ZBTB20: variants seen among roughly 807,000 people sequenced by gnomAD.
ZBTB20 encodes the protein zinc finger and BTB domain containing 20.
A neutral mutation model predicts 56.9 loss-of-function variants in ZBTB20; 9 were observed. The observed-to-expected ratio is 0.16, with a 90% confidence interval of 0.10 to 0.28. The LOEUF (loss-of-function observed/expected upper bound fraction) is 0.28, where lower values mean the gene tolerates loss of function less well. Ranked by LOEUF, ZBTB20 falls within the 10% of genes least tolerant of loss-of-function variation. The probability of loss-of-function intolerance (pLI) is 1.00; values close to 1 mark genes in which losing one functional copy is unlikely to be tolerated. For missense variants in ZBTB20, 655 were observed against 1,003.0 expected, an observed-to-expected ratio of 0.65 and a Z score of 4.69; for synonymous variants, 417 against 420.7, an observed-to-expected ratio of 0.99 and a Z score of 0.11.
At chr3:114,537,202 A>G (rs188722512) in intron 6 of ZBTB20, among the ~76,000 whole-genome samples, 1 of 152,326 alleles carries the variant, frequency 6.6e-6, no homozygotes, top group Admixed American at 6.5e-5. Flanking sequence ...TGAACAGGCA[A>G]CCTACAGAAT....
chr3:114,402,039 G>A (rs949552090), intron 7 of ZBTB20, among the ~76,000 whole-genome samples: 8 of 152,132 alleles, frequency 5.3e-5, no homozygotes, highest in Non-Finnish European at 1.2e-4. Context: ...GAAGGACTTC[G>A]CAGAAAATTA....
At chr3:114,999,146 G>T (rs955154632) in intron 2 of ZBTB20, among the ~76,000 whole-genome samples, 9 of 145,356 alleles carry the variant, frequency 6.2e-5, no homozygotes, top group South Asian at 2.3e-4. Flanking sequence ...GGGGGAAAGG[G>T]AGAGGGAGAG....
At chr3:114,774,946 C>G (rs1169129178) in intron 5 of ZBTB20, among the ~76,000 whole-genome samples, 1 of 151,990 alleles carries the variant, frequency 6.6e-6, no homozygotes, top group Non-Finnish European at 1.5e-5. Flanking sequence ...TTCCAGCATG[C>G]TCCCTTCCTT....
At chr3:114,772,249 G>A (rs1245796236) in intron 5 of ZBTB20, among the ~76,000 whole-genome samples, 9 of 152,138 alleles carry the variant, frequency 5.9e-5, no homozygotes, top group African/African-American at 2.2e-4. Context: ...GCTGAGGCAG[G>A]AGAATCGCTT....
At chr3:114,860,635 T>C (rs1198082859) in intron 4 of ZBTB20, among the ~76,000 whole-genome samples, 1 of 152,022 alleles carries the variant, frequency 6.6e-6, no homozygotes, top group African/African-American at 2.4e-5. Context: ...GTGAGAAGAG[T>C]TGCTTTCTAA....
chr3:114,316,669 T>A lies in ZBTB20; in HGVS notation c.*22336A>T. ...TTTTAAACAGTCTGGAGCTTTAATTTATTTTTTAAAGTGCATTTTCAATGC... is the reference window on the plus strand; with the variant it reads ...TTTTAAACAGTCTGGAGCTTTAATTAATTTTTTAAAGTGCATTTTCAATGC... On this transcript the variant is annotated 3_prime_UTR_variant, in exon 12 of 12. Transcript: ENST00000675478. 1 of 412,258 alleles carries A rather than the reference T, an allele frequency of 2.4e-6. No individual in the cohort carries two copies. The highest frequency in any genetic ancestry group is 7.4e-5 in the East Asian group (1 of 13,446). 25.5% of individuals were successfully genotyped at this position (412,258 alleles called of 1,614,324 possible).
intron 6 of ZBTB20, among the ~76,000 whole-genome samples, chr3:114,569,041 T>C (rs1366158423): frequency 3.3e-5 from 5 of 152,172 alleles, no homozygotes; most frequent in African/African-American, 7.2e-5. Context: ...TTATAACAGG[T>C]ATTTGTTCTC....
chr3:114,673,722 G>A (rs1240476389), intron 6 of ZBTB20, among the ~76,000 whole-genome samples: 1 of 152,014 alleles, frequency 6.6e-6, no homozygotes, highest in Non-Finnish European at 1.5e-5. Flanking sequence ...TGTACACTTT[G>A]GTCTTTTATT....
intron 5 of ZBTB20, among the ~76,000 whole-genome samples, chr3:114,780,864 T>TA (rs1399714123): frequency 6.6e-6 from 1 of 152,206 alleles, no homozygotes; most frequent in Non-Finnish European, 1.5e-5. Flanking sequence ...TAGGGAATCA[T>TA]ATGACTTACC....
At chr3:114,731,126 T>A (rs533715848) in intron 5 of ZBTB20, among the ~76,000 whole-genome samples, 1 of 152,202 alleles carries the variant, frequency 6.6e-6, no homozygotes, top group Non-Finnish European at 1.5e-5. Context: ...ACATAATTTA[T>A]CTTTTAGATG....
At chr3:115,050,030 G>T (rs2081484282) in intron 2 of ZBTB20, among the ~76,000 whole-genome samples, 1 of 151,906 alleles carries the variant, frequency 6.6e-6, no homozygotes, top group African/African-American at 2.4e-5. Context: ...GTAAATATAT[G>T]CTTAAGGAAC....
chr3:114,802,823 C>T (rs944591531), intron 4 of ZBTB20, among the ~76,000 whole-genome samples: 1 of 151,736 alleles, frequency 6.6e-6, no homozygotes, highest in Non-Finnish European at 1.5e-5. Flanking sequence ...ATATGGTTAG[C>T]GAAACAAATT....
intron 6 of ZBTB20, among the ~76,000 whole-genome samples, chr3:114,571,635 G>A (rs2053450966): frequency 6.6e-6 from 1 of 152,134 alleles, no homozygotes; most frequent in Non-Finnish European, 1.5e-5. Context: ...ATGCCATGGG[G>A]TTAGAGTGGT....
At chr3:115,047,441 G>A (rs1385290728) in intron 2 of ZBTB20, among the ~76,000 whole-genome samples, 2 of 152,100 alleles carry the variant, frequency 1.3e-5, no homozygotes, top group Admixed American at 1.3e-4. Flanking sequence ...ACACCTCCAT[G>A]TTCACTTTAC....
intron 5 of ZBTB20, among the ~76,000 whole-genome samples, chr3:114,774,394 G>A (rs1242603388): frequency 6.6e-6 from 1 of 152,102 alleles, no homozygotes; most frequent in African/African-American, 2.4e-5. Context: ...GGCCACACAT[G>A]GAAGGATAGC....
chr3:114,373,300 T>C (rs1332123621), intron 10 of ZBTB20, among the ~76,000 whole-genome samples: 2 of 152,230 alleles, frequency 1.3e-5, no homozygotes, highest in African/African-American at 2.4e-5. Context: ...TCTTGCTTTA[T>C]TATATATTTG....
Position 114,749,425 on chromosome 3 carries a change from T to G in ZBTB20, c.-343+51676A>C, listed in dbSNP as rs573388644. 7.9e-5 allele frequency among the ~76,000 whole-genome samples: 12 copies of G among 152,102 alleles called. No homozygotes were observed. The South Asian group carries it at 2.5e-3, about 32-fold the overall frequency. On this transcript the variant is annotated intron_variant, in intron 5 of 11. Coordinates refer to ENST00000675478, the MANE Select transcript of ZBTB20 (RefSeq NM_001348800.3). ...AAAAGTAGCTGGGTGTGGCGGTGGA[T>G]ACCTGTAATCCTGGCTACTTGGGAG... is the stretch of plus-strand genomic sequence containing the variant.
intron 6 of ZBTB20, among the ~76,000 whole-genome samples, chr3:114,556,249 T>C (rs1045578240): frequency 2.6e-5 from 4 of 152,082 alleles, no homozygotes; most frequent in African/African-American, 9.7e-5. Context: ...TCCCTCCCAA[T>C]GGGTCCATTT....
chr3:114,676,349 GTAA>G (rs2061625201), intron 6 of ZBTB20, among the ~76,000 whole-genome samples: 1 of 152,086 alleles, frequency 6.6e-6, no homozygotes, highest in Admixed American at 6.6e-5. Context: ...GTATAAAGTA[GTAA>G]TAATAAAAGC....
Sources: allele counts gnomAD v4.1 joint callset (sites outside exome capture counted in the v4.1 genomes callset), GRCh38; gene constraint gnomAD v4.1.1; transcripts MANE v1.5; gene names NCBI Gene and HGNC (gene_info 2026-07-23, HGNC 2026-07-21).